TRIM9: variants seen among roughly 807,000 people sequenced by gnomAD.
TRIM9 encodes the protein tripartite motif containing 9, also known as E3 ubiquitin-protein ligase TRIM9.
A neutral mutation model predicts 78.3 loss-of-function variants in TRIM9; 26 were observed. The ratio of observed to expected loss-of-function variants is 0.33; its 90% CI spans 0.24 to 0.46. TRIM9 has a LOEUF of 0.46. Ranked by LOEUF, TRIM9 falls within the 20% of genes least tolerant of loss-of-function variation. The probability of loss-of-function intolerance (pLI) is 1.00; values close to 1 mark genes in which losing one functional copy is unlikely to be tolerated. For synonymous variants in TRIM9, 398 were observed against 416.5 expected, an observed-to-expected ratio of 0.96 and a Z score of 0.54; for missense variants, 787 against 1,036.4, an observed-to-expected ratio of 0.76 and a Z score of 3.30.
At chr14:50,986,190 A>G in intron 7 of TRIM9, 46 bp from the exon 8 acceptor site, 1 of 1,426,550 alleles carries the variant, frequency 7.0e-7, no homozygotes, top group Admixed American at 2.6e-5. Context: ...GTCTGCTATT[A>G]TGTCCCCGTG....
At chr14:51,064,452 T>C (rs1452255094) in intron 1 of TRIM9, among the ~76,000 whole-genome samples, 1 of 151,400 alleles carries the variant, frequency 6.6e-6, no homozygotes, top group Non-Finnish European at 1.5e-5. Flanking sequence ...AATAAATAAG[T>C]CCCAACTATA....
Position 51,094,854 on chromosome 14 carries a change from A to G in TRIM9, c.86T>C (p.Leu29Ser). The G allele has an allele frequency of 6.5e-7, 1 of 1,532,022 alleles. No individual in the cohort carries two copies. 94.9% of individuals were successfully genotyped at this position (1,532,022 alleles called of 1,614,324 possible). A position where few individuals can be genotyped will look rare whatever the true frequency, so the allele number is the denominator to read the frequency against. The part of the protein sequence containing the change: ...EPIILPCSHN[L>S]CQACARNILV... ...GATGTTGCGGGCGCACGCCTGACAC[A>G]AATTGTGAGAGCAGGGCAGGATGAT... is the stretch of plus-strand genomic sequence containing the variant. Residue 29 changes from leucine to serine, a missense_variant, in exon 1 of 13, where the codon TTG becomes TCG. Physicochemically the swap from Leu to Ser is moderately radical, Grantham distance 145. Transcript: ENST00000684578.
At chr14:51,075,678 G>A (rs888252245) in intron 1 of TRIM9, among the ~76,000 whole-genome samples, 4 of 152,158 alleles carry the variant, frequency 2.6e-5, no homozygotes, top group South Asian at 2.1e-4. Flanking sequence ...GTGAGAGTCC[G>A]AAGGCCTTGA....
At chr14:50,979,640 C>T (rs1216806957) in intron 11 of TRIM9, 91 bp from the exon 12 acceptor site, 1 of 1,080,286 alleles carries the variant, frequency 9.3e-7, no homozygotes, top group African/African-American at 1.6e-5. Context: ...GTCTTGCAAC[C>T]TGTTTATAAT....
At chr14:51,087,480 C>A (rs1456598895) in intron 1 of TRIM9, among the ~76,000 whole-genome samples, 1 of 152,096 alleles carries the variant, frequency 6.6e-6, no homozygotes, top group African/African-American at 2.4e-5. Context: ...AGTTAGGTCT[C>A]AGTTTAGGAT....
intron 1 of TRIM9, among the ~76,000 whole-genome samples, chr14:51,026,786 C>T (rs2058270456): frequency 6.6e-6 from 1 of 152,122 alleles, no homozygotes; most frequent in South Asian, 2.1e-4. Context: ...CTCGCTCTAT[C>T]CCCTATAAGT....
intron 1 of TRIM9, among the ~76,000 whole-genome samples, chr14:51,043,974 AT>A (rs752607885): frequency 6.6e-6 from 1 of 152,236 alleles, no homozygotes; most frequent in Non-Finnish European, 1.5e-5. Context: ...TAAATGACAT[AT>A]TTAGGATCCA....
At chr14:51,019,298 T>C (rs1405386498) in intron 3 of TRIM9, among the ~76,000 whole-genome samples, 2 of 152,230 alleles carry the variant, frequency 1.3e-5, no homozygotes, top group African/African-American at 4.8e-5. Context: ...AAACACTTCT[T>C]CCCTCAGTAG....
At chr14:51,044,348 C>T (rs1367445400) in intron 1 of TRIM9, among the ~76,000 whole-genome samples, 2 of 152,148 alleles carry the variant, frequency 1.3e-5, no homozygotes, top group African/African-American at 2.4e-5. Context: ...TAACCCATCC[C>T]TATATTATTC....
intron 7 of TRIM9, among the ~76,000 whole-genome samples, chr14:50,992,826 T>C (rs1012361049): frequency 2.6e-5 from 4 of 152,192 alleles, no homozygotes; most frequent in African/African-American, 9.7e-5. Context: ...TGAGTAACAT[T>C]GTCTAGGCCC....
intron 1 of TRIM9, among the ~76,000 whole-genome samples, chr14:51,073,838 T>A (rs1461730294): frequency 6.6e-6 from 1 of 152,218 alleles, no homozygotes; most frequent in Non-Finnish European, 1.5e-5. Context: ...CAGGCTTACA[T>A]CATTTTAGAG....
chr14:51,079,112 ACTT>A (rs2063070854), intron 1 of TRIM9, among the ~76,000 whole-genome samples: 1 of 152,206 alleles, frequency 6.6e-6, no homozygotes, highest in Non-Finnish European at 1.5e-5. Flanking sequence ...GTTTCAGAAA[ACTT>A]AATAATAGAC....
intron 1 of TRIM9, among the ~76,000 whole-genome samples, chr14:51,030,574 G>A (rs1296758468): frequency 6.6e-6 from 1 of 151,544 alleles, no homozygotes; most frequent in African/African-American, 2.4e-5. Context: ...GTGTGTGTAT[G>A]AGTGTGCATA....
intron 3 of TRIM9, among the ~76,000 whole-genome samples, chr14:51,018,320 T>G (rs556463931): frequency 6.6e-6 from 1 of 152,084 alleles, no homozygotes; most frequent in South Asian, 2.1e-4. Context: ...CCTCCCTTTT[T>G]TCTTTCCTTC....
rs757079784 is a variant in TRIM9 at position 51,094,606 on chromosome 14, G to T, written c.334C>A (p.His112Asn). 2 of 1,609,570 alleles carry T rather than the reference G, an allele frequency of 1.2e-6. No individual in the cohort carries two copies. The highest frequency in any genetic ancestry group is 1.7e-6 in the Non-Finnish European group (2 of 1,177,434). ...FPPAMPPPAT[H>N]LSPALAPVPR... is the part of the protein sequence containing the mutation. Reference sequence around the variant, plus strand: ...ACCGGGGCCAGGGCCGGTGACAAGTGGGTGGCCGGTGGCGGCATAGCCGGG... The same window carrying T: ...ACCGGGGCCAGGGCCGGTGACAAGTTGGTGGCCGGTGGCGGCATAGCCGGG... The change falls in exon 1 of 13, where the codon CAC (histidine) becomes AAC (asparagine). Residue 112 changes from histidine (H) to asparagine (N), a missense_variant. Coordinates refer to ENST00000684578, the MANE Select transcript of TRIM9 (RefSeq NM_001387360.1).
At chr14:51,020,585 T>C (rs1403116068) in intron 3 of TRIM9, among the ~76,000 whole-genome samples, 3 of 152,210 alleles carry the variant, frequency 2.0e-5, no homozygotes, top group Admixed American at 2.0e-4. Flanking sequence ...CCAGTACAGA[T>C]GGACCATCAG....
At chr14:51,089,606 G>T (rs2064119855) in intron 1 of TRIM9, among the ~76,000 whole-genome samples, 1 of 152,158 alleles carries the variant, frequency 6.6e-6, no homozygotes, top group Non-Finnish European at 1.5e-5. Flanking sequence ...AAAAAACGGA[G>T]CCTTATCAGC....
chr14:50,995,973 A>G (rs2054164505), intron 7 of TRIM9: 1 of 385,360 alleles, frequency 2.6e-6, no homozygotes. Flanking sequence ...TTTTTTTAAA[A>G]TAAGCTATTC....
chr14:51,026,992 C>T (rs977610502), intron 1 of TRIM9, among the ~76,000 whole-genome samples: 5 of 152,182 alleles, frequency 3.3e-5, no homozygotes, highest in African/African-American at 4.8e-5. Context: ...CATTGTTTTA[C>T]CTCATCCATA....
Sources: allele counts gnomAD v4.1 joint callset (sites outside exome capture counted in the v4.1 genomes callset), GRCh38; gene constraint gnomAD v4.1.1; transcripts MANE v1.5; gene names NCBI Gene and HGNC (gene_info 2026-07-23, HGNC 2026-07-21).